The following TOGARAM1 variants were observed in gnomAD, a reference collection of about 807,000 sequenced individuals.
TOGARAM1 encodes the protein TOG array regulator of axonemal microtubules 1, also known as TOG array regulator of axonemal microtubules protein 1.
Under a neutral mutation model 166.6 loss-of-function variants are expected in TOGARAM1, and 100 were observed. That is an observed-to-expected ratio of 0.60 (90% CI 0.51 to 0.71). TOGARAM1 has a LOEUF of 0.71. Among genes scored for constraint, TOGARAM1 ranks in the 30% least tolerant of loss-of-function variants. The pLI is 0.00. For synonymous variants in TOGARAM1, 758 were observed against 763.8 expected (o/e 0.99, Z 0.13); for missense variants, 2,029 against 2,102.7 (o/e 0.96, Z 0.69).
At chr14:45,028,088 C>T in intron 9 of TOGARAM1, 88 bp from the exon 10 acceptor site, 2 of 1,128,712 alleles carry the variant, frequency 1.8e-6, no homozygotes, top group South Asian at 3.2e-5. Context: ...AGACTAATAT[C>T]CTCAGACACA....
intron 15 of TOGARAM1, among the ~76,000 whole-genome samples, chr14:45,054,151 G>A (rs1045141500): frequency 1.3e-5 from 2 of 152,136 alleles, no homozygotes; most frequent in African/African-American, 4.8e-5. Context: ...GATTACAGGT[G>A]TGAGCCACCA....
At chr14:45,063,098 T>G (rs1882971879) in intron 16 of TOGARAM1, among the ~76,000 whole-genome samples, 1 of 152,192 alleles carries the variant, frequency 6.6e-6, no homozygotes, top group Non-Finnish European at 1.5e-5. Context: ...ATACTTACGT[T>G]TATATTAAGG....
chr14:45,036,630 ACT>A (rs1387796533), intron 11 of TOGARAM1, among the ~76,000 whole-genome samples: 1 of 152,168 alleles, frequency 6.6e-6, no homozygotes, highest in East Asian at 1.9e-4. Flanking sequence ...AAATTGATTA[ACT>A]CTCAGTTTTC....
At chr14:44,987,072 A>G (rs1436188376) in intron 1 of TOGARAM1, among the ~76,000 whole-genome samples, 1 of 151,790 alleles carries the variant, frequency 6.6e-6, no homozygotes, top group Non-Finnish European at 1.5e-5. Flanking sequence ...TGAGGTGAAA[A>G]CACAGTTTAG....
At position 44,962,604 on chromosome 14, in the gene TOGARAM1, C is replaced by T. The variant is rs1234002281; in HGVS notation, c.183C>T (p.Pro61=). Reference sequence around the variant, plus strand: ...CTGCGGGGGACCACGGTTCCTGCCCCACTACAACTTCGCCTCTGGCCTCGG... The same window carrying T: ...CTGCGGGGGACCACGGTTCCTGCCCTACTACAACTTCGCCTCTGGCCTCGG... ...RGAAGDHGSC[P]TTTSPLASAL... Residue 61 remains proline (P), a synonymous_variant, in exon 1 of 20, where the codon CCC becomes CCT. Transcript: ENST00000361462. The T allele has an allele frequency of 6.2e-7, 1 of 1,613,596 alleles. No individual in the cohort carries two copies. Among genetic ancestry groups the T allele is most frequent in the East Asian group, 2.2e-5 (1 of 44,874 alleles).
intron 1 of TOGARAM1, among the ~76,000 whole-genome samples, chr14:44,975,655 C>T (rs1886139478): frequency 6.6e-6 from 1 of 151,908 alleles, no homozygotes; most frequent in Admixed American, 6.6e-5. Context: ...TTAGTGGAGA[C>T]AGGGTTTCAC....
chr14:44,993,376 A>T (rs1477131852), intron 1 of TOGARAM1, among the ~76,000 whole-genome samples: 1 of 152,134 alleles, frequency 6.6e-6, no homozygotes, highest in Non-Finnish European at 1.5e-5. Context: ...TTAATATTAA[A>T]TGTGAAACTT....
intron 1 of TOGARAM1, among the ~76,000 whole-genome samples, chr14:44,990,993 T>C (rs984564757): frequency 7.7e-6 from 1 of 129,174 alleles, no homozygotes; most frequent in African/African-American, 3.1e-5. Flanking sequence ...AAGGTCTCAC[T>C]CTGTCTTCCA....
At position 44,963,319 on chromosome 14, in the gene TOGARAM1, C is replaced by T. The variant is rs1261368204; in HGVS notation, c.898C>T (p.Pro300Ser). 2.5e-6 allele frequency: 4 copies of T among 1,614,180 alleles called. No individual in the cohort carries two copies. The highest frequency in any genetic ancestry group is 3.4e-6 in the Non-Finnish European group (4 of 1,180,026). ...GTTTCAATCTTACATTTCTCGTCTG[C>T]CCTCTGCCCTGAGGAGACACTACAA... is the stretch of plus-strand genomic sequence containing the variant. ...DRFQSYISRL[P>S]SALRRHYNRR... Residue 300 changes from proline (P) to serine (S), a missense_variant, in exon 1 of 20, where the codon CCC (proline) becomes TCC (serine). Coordinates refer to ENST00000361462, the MANE Select transcript of TOGARAM1 (RefSeq NM_001308120.2).
chr14:45,043,178 AT>A (rs558862860), intron 11 of TOGARAM1, among the ~76,000 whole-genome samples: 2,932 of 144,942 alleles, frequency 0.02, 35 homozygotes, highest in African/African-American at 0.039. Context: ...TTGCACTTTT[AT>A]TTTTTTTTTT....
chr14:45,062,578 C>T (rs995336923), intron 16 of TOGARAM1, among the ~76,000 whole-genome samples: 6 of 152,192 alleles, frequency 3.9e-5, no homozygotes, highest in African/African-American at 7.2e-5. Flanking sequence ...GTTCAACTTA[C>T]GATTTTTCAA....
chr14:44,983,581 G>A (rs976087585), intron 1 of TOGARAM1, among the ~76,000 whole-genome samples: 1 of 152,096 alleles, frequency 6.6e-6, no homozygotes, highest in Non-Finnish European at 1.5e-5. Flanking sequence ...GTTAAACTAA[G>A]GGGCAATTAA....
chr14:45,038,723 A>G (rs1244588851), intron 11 of TOGARAM1, among the ~76,000 whole-genome samples: 4 of 152,132 alleles, frequency 2.6e-5, no homozygotes, highest in Non-Finnish European at 5.9e-5. Context: ...GTTGCCCACA[A>G]TGTCATGAGC....
intron 10 of TOGARAM1, 71 bp downstream of exon 10, chr14:45,028,400 C>A: frequency 6.9e-7 from 1 of 1,452,194 alleles, no homozygotes; most frequent in South Asian, 1.3e-5. Context: ...TGAGGTTTCA[C>A]TGAGGGTAAT....
At chr14:45,020,254 A>G (rs1354832212) in intron 7 of TOGARAM1, among the ~76,000 whole-genome samples, 1 of 152,170 alleles carries the variant, frequency 6.6e-6, no homozygotes, top group Non-Finnish European at 1.5e-5. Flanking sequence ...TAACTTTCTC[A>G]GTGATGATTC....
intron 14 of TOGARAM1, among the ~76,000 whole-genome samples, chr14:45,051,608 G>A (rs1882373617): frequency 7.1e-6 from 1 of 140,846 alleles, no homozygotes; most frequent in Non-Finnish European, 1.5e-5. Context: ...TGCCCAGGCT[G>A]GAGTGCAATG....
intron 7 of TOGARAM1, among the ~76,000 whole-genome samples, chr14:45,016,683 C>G (rs527600003): frequency 1.3e-5 from 2 of 152,254 alleles, no homozygotes; most frequent in East Asian, 3.9e-4. Flanking sequence ...AGATGCGATT[C>G]ACCATACCTG....
chr14:45,065,753 C>T (rs575486317), intron 16 of TOGARAM1, among the ~76,000 whole-genome samples: 1 of 152,268 alleles, frequency 6.6e-6, no homozygotes, highest in South Asian at 2.1e-4. Context: ...CATCTGGGAA[C>T]TTAGGTTTTG....
At chr14:45,036,346 A>G (rs1881437742) in intron 11 of TOGARAM1, among the ~76,000 whole-genome samples, 1 of 152,070 alleles carries the variant, frequency 6.6e-6, no homozygotes, top group African/African-American at 2.4e-5. Context: ...AATCACATTA[A>G]ATGTAGATGA....
Sources: gnomAD v4.1 joint callset for allele counts (sites outside exome capture counted in the v4.1 genomes callset) on GRCh38, gnomAD v4.1.1 for gene constraint, MANE v1.5 for transcripts, NCBI Gene and HGNC (gene_info 2026-07-23, HGNC 2026-07-21) for gene names.